Variants in GLI2 observed in about 807,000 individuals in gnomAD.
GLI2 encodes the protein GLI family zinc finger 2.
GLI2 carries 22 observed loss-of-function variants against 78.9 expected under a neutral mutation model. The observed-to-expected ratio is 0.28, with a 90% CI of 0.20 to 0.40. The LOEUF (loss-of-function observed/expected upper bound fraction) is 0.40. GLI2 is among the 10% of genes least tolerant of loss of function. The pLI is 1.00. For synonymous variants in GLI2, 974 were observed against 963.7 expected (o/e 1.01, Z -0.20); for missense variants, 2,097 against 2,213.2 (o/e 0.95, Z 1.05).
At chr2:120,777,173 C>T (rs1450679281) in intron 1 of GLI2, among the ~76,000 whole-genome samples, 4 of 152,130 alleles carry the variant, frequency 2.6e-5, no homozygotes, top group African/African-American at 9.7e-5. Flanking sequence ...GAACATATGA[C>T]TATGCGTGTG....
At chr2:120,905,769 G>A (rs1678494243) in intron 2 of GLI2, among the ~76,000 whole-genome samples, 1 of 152,172 alleles carries the variant, frequency 6.6e-6, no homozygotes, top group African/African-American at 2.4e-5. Flanking sequence ...TATTCCATCA[G>A]GACCCAATAT....
At chr2:120,845,618 C>T (rs967159005) in intron 2 of GLI2, among the ~76,000 whole-genome samples, 2 of 152,190 alleles carry the variant, frequency 1.3e-5, no homozygotes, top group Non-Finnish European at 2.9e-5. Flanking sequence ...AACGGCACAG[C>T]AGTCGGGAGC....
At chr2:120,807,981 C>A (rs1363575246) in intron 2 of GLI2, among the ~76,000 whole-genome samples, 1 of 152,106 alleles carries the variant, frequency 6.6e-6, no homozygotes, top group Non-Finnish European at 1.5e-5. Flanking sequence ...TTGAATATGT[C>A]CTGGCTGGCC....
chr2:120,910,458 A>T (rs1678760389), intron 2 of GLI2, among the ~76,000 whole-genome samples: 2 of 152,198 alleles, frequency 1.3e-5, no homozygotes, highest in Admixed American at 6.5e-5. Context: ...CAATTACTTA[A>T]TCTTGACAAA....
intron 2 of GLI2, among the ~76,000 whole-genome samples, chr2:120,841,835 A>G (rs1686887269): frequency 1.9e-5 from 2 of 104,880 alleles, no homozygotes; most frequent in Non-Finnish European, 2.0e-5. Context: ...GACCATTGCA[A>G]GCCAGTCTGG....
chr2:120,851,037 G>T (rs1300974290), intron 2 of GLI2, among the ~76,000 whole-genome samples: 1 of 152,104 alleles, frequency 6.6e-6, no homozygotes, highest in African/African-American at 2.4e-5. Flanking sequence ...TAAGCCCTTT[G>T]GTGCTATTTG....
chr2:120,855,054 A>T (rs1418949815), intron 2 of GLI2, among the ~76,000 whole-genome samples: 1 of 152,240 alleles, frequency 6.6e-6, no homozygotes, highest in African/African-American at 2.4e-5. Flanking sequence ...TGATTTCCTC[A>T]TCTAATTTGA....
intron 2 of GLI2, among the ~76,000 whole-genome samples, chr2:120,891,447 G>A (rs1677675815): frequency 1.3e-5 from 2 of 152,184 alleles, no homozygotes; most frequent in Admixed American, 6.5e-5. Context: ...TATAGGCATC[G>A]TAATGTGGAT....
At position 120,986,424 on chromosome 2, in the gene GLI2, C is replaced by T. The variant is rs1682979100; in HGVS notation, c.2052C>T (p.Pro684=). ...LGDLTALDDT[P]PGADTSALAA... is the part of the protein sequence containing the mutation. ...ACCTGACGGCACTGGATGACACACCCCCAGGGGCCGACACCTCAGCCCTGG... is the reference window on the plus strand; with the variant it reads ...ACCTGACGGCACTGGATGACACACCTCCAGGGGCCGACACCTCAGCCCTGG... The change falls in exon 13 of 14, where the codon CCC becomes CCT. Residue 684 remains proline (P), a synonymous_variant. Transcript: ENST00000361492. 1 of 1,613,874 alleles carries T rather than the reference C, an allele frequency of 6.2e-7. No individual in the cohort carries two copies. Among genetic ancestry groups the T allele is most frequent in the Non-Finnish European group, 8.5e-7 (1 of 1,180,020 alleles).
chr2:120,761,562 G>C (rs977560077), intron 1 of GLI2, among the ~76,000 whole-genome samples: 74 of 152,274 alleles, frequency 4.9e-4, no homozygotes, highest in African/African-American at 1.8e-3. Flanking sequence ...GGTGGAGGGC[G>C]TAGTGGGATA....
At chr2:120,753,688 G>T (rs1682947602) in intron 1 of GLI2, among the ~76,000 whole-genome samples, 1 of 151,964 alleles carries the variant, frequency 6.6e-6, no homozygotes, top group African/African-American at 2.4e-5. Context: ...CAGGAGGTCA[G>T]GAGATCAAGA....
intron 1 of GLI2, among the ~76,000 whole-genome samples, chr2:120,783,429 C>T (rs1683904037): frequency 6.6e-6 from 1 of 152,118 alleles, no homozygotes; most frequent in South Asian, 2.1e-4. Context: ...ATTGGATTTG[C>T]AGGCTCCGTG....
chr2:120,813,562 G>T (rs1685359748), intron 2 of GLI2, among the ~76,000 whole-genome samples: 1 of 152,186 alleles, frequency 6.6e-6, no homozygotes, highest in Non-Finnish European at 1.5e-5. Context: ...TGACTGCCCG[G>T]GGCGATGGGT....
chr2:120,771,501 C>T (rs926451718), intron 1 of GLI2, among the ~76,000 whole-genome samples: 4 of 151,474 alleles, frequency 2.6e-5, no homozygotes, highest in African/African-American at 7.3e-5. Flanking sequence ...CAAAGGCCTT[C>T]CTTCTCAAAG....
At chr2:120,798,882 C>T (rs1269659849) in intron 2 of GLI2, among the ~76,000 whole-genome samples, 1 of 152,220 alleles carries the variant, frequency 6.6e-6, no homozygotes, top group Non-Finnish European at 1.5e-5. Context: ...TGCCCATGCT[C>T]TGAGGCCTTG....
At chr2:120,789,316 GC>G (rs1354677969) in intron 1 of GLI2, among the ~76,000 whole-genome samples, 1 of 152,024 alleles carries the variant, frequency 6.6e-6, no homozygotes, top group African/African-American at 2.4e-5. Context: ...GAGCCACCGC[GC>G]CCAGTCTCAC....
rs1425352563 is a variant in GLI2, at chr2:120,800,505, TTTTA to T, written c.148+3049_148+3052del. On this transcript the variant is annotated intron_variant, in intron 2 of 13. Transcript: ENST00000361492. The surrounding 1 kb of genome is among the most constrained non-coding windows in gnomAD (Gnocchi z 4.1). ...TTATTATTATTATTTTATTTTTTAT[TTTTA>T]TTTATTTATTTTTTTGAGACAGTCT... Among the ~76,000 whole-genome samples, 1 of 151,624 alleles carries T rather than the reference TTTTA, an allele frequency of 6.6e-6. No homozygotes were observed. Among genetic ancestry groups the T allele is most frequent in the Non-Finnish European group, 1.5e-5 (1 of 67,958 alleles).
At position 120,737,168 on chromosome 2, in the gene GLI2, GA is replaced by G. The variant is rs1381648944; in HGVS notation, c.-31+884del. 1.3e-5 allele frequency among the ~76,000 whole-genome samples: 2 copies of G among 152,178 alleles called. No individual in the cohort carries two copies. Among genetic ancestry groups the G allele is most frequent in the Non-Finnish European group, 2.9e-5 (2 of 68,036 alleles). On this transcript the variant is annotated intron_variant, in intron 1 of 13. Transcript: ENST00000361492. The surrounding 1 kb of genome is among the most constrained non-coding windows in gnomAD (Gnocchi z 4.3). ...AATCCTATTAAGGGTTTAGAGAGGG[GA>G]GTCTTTTCCCCGGACGGGGCGGGGG...
chr2:120,778,480 T>C (rs1683747168), intron 1 of GLI2, among the ~76,000 whole-genome samples: 1 of 151,936 alleles, frequency 6.6e-6, no homozygotes, highest in Non-Finnish European at 1.5e-5. Flanking sequence ...CTAGGGCAGG[T>C]GATGTGGCGC....
Sources: gnomAD v4.1 joint callset for allele counts (sites outside exome capture counted in the v4.1 genomes callset) on GRCh38, gnomAD v4.1.1 for gene constraint, Gnocchi (gnomAD v3.1) non-coding constraint, MANE v1.5 for transcripts, NCBI Gene and HGNC (gene_info 2026-07-23, HGNC 2026-07-21) for gene names.